The following WDR4 variants were observed in gnomAD, a reference collection of about 807,000 sequenced individuals.
The protein encoded by WDR4 is tRNA (guanine-N(7)-)-methyltransferase non-catalytic subunit WDR4.
A neutral mutation model predicts 48.6 loss-of-function variants in WDR4; 47 were observed. The observed-to-expected ratio is 0.97, with a 90% confidence interval of 0.77 to 1.23. The LOEUF is 1.23. Ranked by LOEUF, WDR4 falls within the 50% of genes most tolerant of loss-of-function variation. WDR4 has a pLI of 0.00. For missense variants in WDR4, 606 were observed against 551.6 expected (o/e 1.10, Z -0.99); for synonymous variants, 268 against 230.0 (o/e 1.17, Z -1.49).
chr21:42,876,218 C>CTTTTTTT (rs373181618), intron 2 of WDR4, among the ~76,000 whole-genome samples: 31 of 105,840 alleles, frequency 2.9e-4, no homozygotes, highest in African/African-American at 9.0e-4. Flanking sequence ...ACACTGTACT[C>CTTTTTTT]TTTTTTTTTT....
At chr21:42,869,975 T>C (rs2058333957) in intron 3 of WDR4, among the ~76,000 whole-genome samples, 1 of 148,888 alleles carries the variant, frequency 6.7e-6, no homozygotes, top group Non-Finnish European at 1.5e-5. Flanking sequence ...ATCGTGCCAT[T>C]GCCCTCCAGC....
Position 42,850,294 on chromosome 21 carries a change from C to T in WDR4, c.1046-52G>A, listed in dbSNP as rs749107749. ...CCAGGTGGGGCAGGAACATGGGACTCGGCCACCACAGCGGGCCCCCTGCAG... is the reference window on the plus strand; with the variant it reads ...CCAGGTGGGGCAGGAACATGGGACTTGGCCACCACAGCGGGCCCCCTGCAG... On this transcript the variant is annotated intron_variant, in intron 10 of 10. Coordinates refer to ENST00000398208, the MANE Select transcript of WDR4 (RefSeq NM_018669.6). The T allele has an allele frequency of 2.7e-6, 4 of 1,498,468 alleles. No homozygotes were observed. The East Asian group carries it at 7.1e-5, about 26-fold the overall frequency. 92.8% of individuals were successfully genotyped at this position (1,498,468 alleles called of 1,614,324 possible).
At chr21:42,864,255 CCA>C (rs2058196569) in intron 3 of WDR4, among the ~76,000 whole-genome samples, 1 of 151,668 alleles carries the variant, frequency 6.6e-6, no homozygotes, top group Non-Finnish European at 1.5e-5. Flanking sequence ...TTCCTTAACC[CCA>C]GAGTCTTCAT....
chr21:42,878,264 T>C (rs2058546964), intron 1 of WDR4, among the ~76,000 whole-genome samples: 1 of 152,174 alleles, frequency 6.6e-6, no homozygotes, highest in Non-Finnish European at 1.5e-5. Flanking sequence ...GGCACGTATC[T>C]TGTACATATT....
chr21:42,889,868 A>G, the WDR4 span, among the ~76,000 whole-genome samples: 1 of 152,136 alleles, frequency 6.6e-6, no homozygotes. Context: ...CCAGTTTTCC[A>G]TAATATCTAG....
rs2058150725 is a variant in WDR4 at position 42,862,836 on chromosome 21, C to T, written c.454-442G>A. On this transcript the variant is annotated intron_variant, in intron 4 of 10. Coordinates refer to ENST00000398208, the MANE Select transcript of WDR4 (RefSeq NM_018669.6). This position sits in a 1 kb window ranked among gnomAD's most constrained non-coding sequence, Gnocchi z 4.3. ...GAGGTTCCCTTTGATACCCCACACTCGCCATTGTTCCTGACTGTCCCTGTG... is the reference window on the plus strand; with the variant it reads ...GAGGTTCCCTTTGATACCCCACACTTGCCATTGTTCCTGACTGTCCCTGTG... Among the ~76,000 whole-genome samples the T allele has an allele frequency of 6.6e-6, 1 of 152,214 alleles. No homozygotes were observed. Among genetic ancestry groups the T allele is most frequent in the African/African-American group, 2.4e-5 (1 of 41,456 alleles).
chr21:42,851,887 G>A (rs1373232947), intron 10 of WDR4, among the ~76,000 whole-genome samples: 1 of 152,232 alleles, frequency 6.6e-6, no homozygotes, highest in Non-Finnish European at 1.5e-5. Flanking sequence ...GCCCACTGCA[G>A]TGGGATCAAT....
In WDR4 at chr21:42,850,077, C is replaced by A. The variant is rs373763164; in HGVS notation, c.1211G>T (p.Arg404Ile). The A allele has an allele frequency of 3.1e-6, 5 of 1,614,018 alleles. No individual in the cohort carries two copies. In the African/African-American group the frequency reaches 4.0e-5, roughly 13 times the overall value. The change falls in exon 11 of 11, where the codon AGA becomes ATA. Residue 404 changes from arginine (R) to isoleucine (I), a missense_variant. By Grantham distance (97) the Arg-to-Ile change is moderately conservative. Coordinates refer to ENST00000398208, the MANE Select transcript of WDR4 (RefSeq NM_018669.6). ...GCAACTTAGCGTCGCCTCCCCCGGT[C>A]TCATCTTCTTGGCATGCCCGTCGGG... ...PGPDGHAKKMRPGEATLSC is the reference protein window; with the variant it reads ...PGPDGHAKKMIPGEATLSC
intron 6 of WDR4, among the ~76,000 whole-genome samples, chr21:42,858,162 A>G (rs1463201139): frequency 6.6e-6 from 1 of 152,244 alleles, no homozygotes; most frequent in African/African-American, 2.4e-5. Context: ...AGCAAGAGGC[A>G]GGGGTAGAGA....
chr21:42,853,473 G>A, intron 9 of WDR4, 96 bp downstream of exon 9: 1 of 1,371,002 alleles, frequency 7.3e-7, no homozygotes, highest in South Asian at 1.4e-5. Context: ...GTTGAAAGAG[G>A]CTTACCCATG....
rs1291545787 is a variant in WDR4, at chr21:42,862,133, C to T, written c.566+149G>A. 9 of 651,438 alleles carry T rather than the reference C, an allele frequency of 1.4e-5. No individual in the cohort carries two copies. The highest frequency in any genetic ancestry group is 4.2e-4 in the Middle Eastern group (1 of 2,372). 40.4% of individuals were successfully genotyped at this position (651,438 alleles called of 1,614,324 possible). Reference sequence around the variant, plus strand: ...TTCAGGGCTTCTGCAGGCAGCACCACGGCGCCTGCAGTGACCAAACACCAA... The same window carrying T: ...TTCAGGGCTTCTGCAGGCAGCACCATGGCGCCTGCAGTGACCAAACACCAA... On this transcript the variant is annotated intron_variant, in intron 5 of 10. Coordinates refer to ENST00000398208, the MANE Select transcript of WDR4 (RefSeq NM_018669.6). This position sits in a 1 kb window ranked among gnomAD's most constrained non-coding sequence, Gnocchi z 4.3.
downstream of WDR4, among the ~76,000 whole-genome samples, chr21:42,846,378 C>G (rs186037350): frequency 2.5e-4 from 38 of 152,108 alleles, no homozygotes; most frequent in African/African-American, 9.2e-4. Flanking sequence ...GAGGTCAGGC[C>G]GGCCAGCATG....
rs1164442761 is a variant in WDR4 at position 42,873,590 on chromosome 21, A to T, written c.257T>A (p.Ile86Asn). The change falls in exon 3 of 11, where the codon ATT (isoleucine) becomes AAT (asparagine). Residue 86 changes from isoleucine (I) to asparagine (N), a missense_variant. Physicochemically the swap from Ile to Asn is moderately radical, Grantham distance 149. Coordinates refer to ENST00000398208, the MANE Select transcript of WDR4 (RefSeq NM_018669.6). The stretch of plus-strand genomic sequence containing the variant: ...TTGCCATGGTTTTGTACGGAAAAGA[A>T]TCAGACGCTTACTGTCATCGGTTAA... ...FALTDDSKRLILFRTKPWQCL... is the reference protein window; with the variant it reads ...FALTDDSKRLNLFRTKPWQCL... 5 of 1,614,226 alleles carry T rather than the reference A, an allele frequency of 3.1e-6. No individual in the cohort carries two copies. Among genetic ancestry groups the T allele is most frequent in the Non-Finnish European group, 4.2e-6 (5 of 1,180,040 alleles).
At chr21:42,868,506 C>A (rs1934253705) in intron 3 of WDR4, among the ~76,000 whole-genome samples, 1 of 152,240 alleles carries the variant, frequency 6.6e-6, no homozygotes, top group Non-Finnish European at 1.5e-5. Flanking sequence ...CCAGACCCAG[C>A]CTCCCCTACC....
chr21:42,867,926 C>G (rs922563628), intron 3 of WDR4, among the ~76,000 whole-genome samples: 1 of 152,098 alleles, frequency 6.6e-6, no homozygotes, highest in Non-Finnish European at 1.5e-5. Context: ...CTTCAAAAGA[C>G]GAGTCAACAC....
chr21:42,847,169 A>C (rs2145979973), downstream of WDR4, among the ~76,000 whole-genome samples: 1 of 152,356 alleles, frequency 6.6e-6, no homozygotes, highest in South Asian at 2.1e-4. Context: ...ATTAAATTGA[A>C]GGAGTGAGAT....
downstream of WDR4, among the ~76,000 whole-genome samples, chr21:42,844,492 C>T (rs377062151): frequency 9.2e-4 from 140 of 152,314 alleles, no homozygotes; most frequent in African/African-American, 2.3e-3. Flanking sequence ...AGAACGGAGG[C>T]GCTGAGGCCT....
downstream of WDR4, among the ~76,000 whole-genome samples, chr21:42,846,664 G>T (rs1258099961): frequency 6.6e-6 from 1 of 152,284 alleles, no homozygotes; most frequent in East Asian, 1.9e-4. Flanking sequence ...TGTGAGCTGA[G>T]ATCACACCAC....
rs1386258244 is a variant in WDR4, at chr21:42,850,201, C to T, written c.1087G>A (p.Ala363Thr). 1 of 1,611,282 alleles carries T rather than the reference C, an allele frequency of 6.2e-7. No individual in the cohort carries two copies. Among genetic ancestry groups the T allele is most frequent in the Non-Finnish European group, 8.5e-7 (1 of 1,178,710 alleles). ...TAGGAGGTCACGTTGTCGAACGTGG[C>T]CTTGTAGAGACTGCTGAAGCTGGCG... ...ADASFSSLYK[A>T]TFDNVTSYLK... Residue 363 changes from alanine to threonine, a missense_variant, in exon 11 of 11, where the codon GCC becomes ACC. Coordinates refer to ENST00000398208, the MANE Select transcript of WDR4 (RefSeq NM_018669.6).
Sources: allele counts gnomAD v4.1 joint callset (sites outside exome capture counted in the v4.1 genomes callset), GRCh38; gene constraint gnomAD v4.1.1; non-coding constraint Gnocchi (gnomAD v3.1); transcripts MANE v1.5; gene names NCBI Gene and HGNC (gene_info 2026-07-23, HGNC 2026-07-21).